Variants in EYS observed in about 807,000 individuals in gnomAD.
EYS encodes the protein EGF-like photoreceptor maintenance factor.
In EYS, 250 loss-of-function variants were observed where a neutral mutation model predicts 282.1. The ratio of observed to expected loss-of-function variants is 0.89; its 90% CI spans 0.80 to 0.98. The LOEUF (loss-of-function observed/expected upper bound fraction) is 0.98, where lower values mean the gene tolerates loss of function less well. Among genes scored for constraint, EYS ranks in the 50% least tolerant of loss-of-function variants. EYS has a pLI of 0.00. For synonymous variants in EYS, 1,355 were observed against 1,282.9 expected (o/e 1.06, Z -1.20); for missense variants, 4,016 against 3,709.0 (o/e 1.08, Z -2.15).
chr6:64,306,833 T>C, intron 30 of EYS, 137 bp downstream of exon 30: 1 of 606,286 alleles, frequency 1.6e-6, no homozygotes, highest in Non-Finnish European at 2.9e-6. Flanking sequence ...AAGAGTGAAG[T>C]AGAACGTAGG....
intron 22 of EYS, among the ~76,000 whole-genome samples, chr6:64,766,246 C>G (rs1193321575): frequency 6.6e-6 from 1 of 151,726 alleles, no homozygotes; most frequent in Non-Finnish European, 1.5e-5. Context: ...CTCTTCCCTT[C>G]CCTGATCTGC....
chr6:64,090,817 G>T (rs554326882), intron 31 of EYS, among the ~76,000 whole-genome samples: 2 of 152,178 alleles, frequency 1.3e-5, no homozygotes, highest in East Asian at 3.9e-4. Context: ...TAATTCAAAT[G>T]GTTCCTCTTC....
At chr6:63,892,474 T>A (rs1468065419) in intron 35 of EYS, among the ~76,000 whole-genome samples, 1 of 152,134 alleles carries the variant, frequency 6.6e-6, no homozygotes. Context: ...AAACAAGCAA[T>A]GGGGAAAGGA....
chr6:63,839,553 G>A (rs1771896604), intron 36 of EYS, among the ~76,000 whole-genome samples: 1 of 151,860 alleles, frequency 6.6e-6, no homozygotes, highest in South Asian at 2.1e-4. Flanking sequence ...CTCACTATAT[G>A]GCCCAGAGTG....
chr6:65,289,683 C>T (rs553502122), intron 12 of EYS, among the ~76,000 whole-genome samples: 3 of 151,262 alleles, frequency 2.0e-5, no homozygotes, highest in African/African-American at 7.2e-5. Context: ...ATCCAACATT[C>T]CTAACTCCTT....
intron 35 of EYS, among the ~76,000 whole-genome samples, chr6:63,930,662 G>T (rs1764862537): frequency 6.6e-6 from 1 of 151,936 alleles, no homozygotes; most frequent in Non-Finnish European, 1.5e-5. Flanking sequence ...CAACACAAAG[G>T]TATGTCAAAA....
At chr6:65,015,327 G>A (rs750251372) in intron 13 of EYS, among the ~76,000 whole-genome samples, 15 of 152,228 alleles carry the variant, frequency 9.9e-5, no homozygotes, top group Middle Eastern at 6.8e-3. Flanking sequence ...TAGTTATCAC[G>A]CTAATTTGTG....
chr6:64,671,341 T>G (rs1769455569), intron 22 of EYS, among the ~76,000 whole-genome samples: 1 of 151,932 alleles, frequency 6.6e-6, no homozygotes, highest in Admixed American at 6.6e-5. Context: ...GAGAGATAGC[T>G]GGCATGTTCT....
At chr6:64,637,462 A>G in intron 22 of EYS, among the ~76,000 whole-genome samples, 2 of 67,196 alleles carry the variant, frequency 3.0e-5, no homozygotes, top group African/African-American at 5.8e-5. Flanking sequence ...GGGAGGGGGG[A>G]GGGACAGCAT....
At chr6:65,319,302 C>A (rs1176429029) in intron 11 of EYS, among the ~76,000 whole-genome samples, 8 of 148,952 alleles carry the variant, frequency 5.4e-5, no homozygotes, top group Admixed American at 1.3e-4. Flanking sequence ...ATCTCTTTAA[C>A]CCAGGAAGCG....
intron 1 of EYS, among the ~76,000 whole-genome samples, chr6:65,647,464 T>C (rs188246841): frequency 4.6e-5 from 7 of 152,300 alleles, no homozygotes; most frequent in Non-Finnish European, 7.4e-5. Context: ...GCAAGCCACA[T>C]GTAGAAGAAT....
At chr6:64,249,481 G>C (rs1767134351) in intron 30 of EYS, among the ~76,000 whole-genome samples, 1 of 152,152 alleles carries the variant, frequency 6.6e-6, no homozygotes, top group Non-Finnish European at 1.5e-5. Context: ...CTTGACCACT[G>C]TGCAATCTAT....
intron 16 of EYS, 114 bp from the exon 17 acceptor site, chr6:64,902,614 G>A: frequency 3.5e-6 from 2 of 576,862 alleles, no homozygotes; most frequent in Non-Finnish European, 5.8e-6. Flanking sequence ...AAAGGAAAAA[G>A]AAAATAATTA....
chr6:64,966,916 C>A (rs1285444622), intron 14 of EYS, among the ~76,000 whole-genome samples: 1 of 152,148 alleles, frequency 6.6e-6, no homozygotes, highest in African/African-American at 2.4e-5. Flanking sequence ...TCAAGTCTAC[C>A]CTTTGATCAT....
intron 2 of EYS, among the ~76,000 whole-genome samples, chr6:65,587,535 G>A (rs933041161): frequency 1.3e-5 from 2 of 151,984 alleles, no homozygotes; most frequent in African/African-American, 4.8e-5. Context: ...CCCTTCTGCC[G>A]TGACTGCAAA....
At chr6:65,168,821 C>A (rs908432986) in intron 12 of EYS, among the ~76,000 whole-genome samples, 1 of 151,292 alleles carries the variant, frequency 6.6e-6, no homozygotes, top group Non-Finnish European at 1.5e-5. Flanking sequence ...TAGAAAATAT[C>A]CCCTCTCTTC....
chr6:64,035,341 T>A (rs1335496451), intron 33 of EYS, among the ~76,000 whole-genome samples: 1 of 152,218 alleles, frequency 6.6e-6, no homozygotes, highest in East Asian at 1.9e-4. Flanking sequence ...TATACTTTCA[T>A]GCTAGAAAAT....
chr6:65,582,648 C>T (rs1374086544), intron 2 of EYS, among the ~76,000 whole-genome samples: 2 of 152,014 alleles, frequency 1.3e-5, no homozygotes, highest in African/African-American at 2.4e-5. Context: ...CATACACTCC[C>T]CCATCACTAT....
chr6:64,176,531 G>C (rs771435356), intron 31 of EYS, among the ~76,000 whole-genome samples: 4 of 151,768 alleles, frequency 2.6e-5, no homozygotes, highest in South Asian at 2.1e-4. Context: ...GTGTGTTTGT[G>C]TATGTACCAA....
Sources: allele counts gnomAD v4.1 joint callset (sites outside exome capture counted in the v4.1 genomes callset), GRCh38; gene constraint gnomAD v4.1.1; transcripts MANE v1.5; gene names NCBI Gene and HGNC (gene_info 2026-07-23, HGNC 2026-07-21).